Variants in UBA7 observed in about 807,000 individuals in gnomAD.
The protein encoded by UBA7 is ubiquitin-like modifier-activating enzyme 7.
In UBA7, 88 loss-of-function variants were observed where a neutral mutation model predicts 113.0. The ratio of observed to expected loss-of-function variants is 0.78; its 90% confidence interval spans 0.66 to 0.93. The LOEUF (loss-of-function observed/expected upper bound fraction) is 0.93, where lower values mean the gene tolerates loss of function less well. Among genes scored for constraint, UBA7 ranks in the 40% least tolerant of loss-of-function variants. The pLI is 0.00. For missense variants in UBA7, 1,092 were observed against 1,266.4 expected, an observed-to-expected ratio of 0.86 and a Z score of 2.09; for synonymous variants, 459 against 513.0, an observed-to-expected ratio of 0.89 and a Z score of 1.42.
chr3:49,810,999 A>G lies in UBA7; in HGVS notation c.1215T>C (p.Pro405=). 6.2e-7 allele frequency: 1 copy of G among 1,614,144 alleles called. No homozygotes were observed. The highest frequency in any genetic ancestry group is 1.7e-5 in the Admixed American group (1 of 60,026). Residue 405 remains proline, a synonymous_variant, in exon 10 of 24, where the codon CCT becomes CCC. Coordinates refer to ENST00000333486, the MANE Select transcript of UBA7 (RefSeq NM_003335.3). The surrounding 1 kb of genome is among the most constrained non-coding windows in gnomAD (Gnocchi z 5.6). ...LPEDGELLPS[P]EDCALRGSRY... ...AGGCTCTCACCAGGGCACAGTCCTCAGGACTGGGAAGGAGCTCCCCATCTT... is the reference window on the plus strand; with the variant it reads ...AGGCTCTCACCAGGGCACAGTCCTCGGGACTGGGAAGGAGCTCCCCATCTT...
At chr3:49,809,191 ATG>A (rs1397319549) in intron 17 of UBA7, 32 bp from the exon 18 acceptor site, 7 of 1,589,194 alleles carry the variant, frequency 4.4e-6, no homozygotes, top group Non-Finnish European at 6.0e-6. Context: ...GAACAGAGGC[ATG>A]GGTGCATGGG....
intron 23 of UBA7, among the ~76,000 whole-genome samples, 172 bp from the exon 24 acceptor site, chr3:49,805,609 G>A (rs2081435087): frequency 6.6e-6 from 1 of 152,144 alleles, no homozygotes; most frequent in Non-Finnish European, 1.5e-5. Flanking sequence ...GATGAGGCAA[G>A]CAGGAGGCAG....
intron 21 of UBA7, 194 bp from the exon 22 acceptor site, chr3:49,806,359 A>T: frequency 3.3e-6 from 2 of 607,810 alleles, no homozygotes; most frequent in Non-Finnish European, 5.8e-6. Flanking sequence ...CAGCACAGGA[A>T]ATGGGGCTAT....
intron 8 of UBA7, 99 bp downstream of exon 8, chr3:49,811,771 G>A (rs1488691742): frequency 7.1e-6 from 11 of 1,559,234 alleles, no homozygotes; most frequent in Admixed American, 7.0e-5. Flanking sequence ...GCAGTGTTGG[G>A]AGATCAGACT....
Position 49,809,854 on chromosome 3 carries a change from A to G in UBA7, c.1865T>C (p.Leu622Pro). 6.2e-7 allele frequency: 1 copy of G among 1,614,136 alleles called. No homozygotes were observed. The highest frequency in any genetic ancestry group is 1.1e-5 in the South Asian group (1 of 91,078). ...GATGGTCTCTGCAGACAGTCGGAAG[A>G]GTTCTTCAAACTCATGCCGGGCCCA... ...LQWARHEFEE[L>P]FRLSAETINH... The change falls in exon 15 of 24, where the codon CTC becomes CCC. Residue 622 changes from leucine (L) to proline (P), a missense_variant. Physicochemically the swap from Leu to Pro is moderately conservative, Grantham distance 98. Around this residue, in one of 3 missense-constraint regions of UBA7, gnomAD observed 500 missense variants for 529.3 expected, o/e 0.94. Coordinates refer to ENST00000333486, the MANE Select transcript of UBA7 (RefSeq NM_003335.3).
rs749109703 is a variant in UBA7 at position 49,811,032 on chromosome 3, A to G, written c.1182T>C (p.Cys394=). 1 of 1,614,104 alleles carries G rather than the reference A, an allele frequency of 6.2e-7. No homozygotes were observed. The highest frequency in any genetic ancestry group is 2.2e-5 in the East Asian group (1 of 44,878). Residue 394 remains cysteine, a synonymous_variant, in exon 10 of 24, where the codon TGT becomes TGC. Coordinates refer to ENST00000333486, the MANE Select transcript of UBA7 (RefSeq NM_003335.3). ...DQWLYFDALD[C]LPEDGELLPS... is the part of the protein sequence containing the mutation. ...GAAGGAGCTCCCCATCTTCCGGAAGACAATCGAGGGCATCAAAGTAAAGCC... is the reference window on the plus strand; with the variant it reads ...GAAGGAGCTCCCCATCTTCCGGAAGGCAATCGAGGGCATCAAAGTAAAGCC...
chr3:49,807,597 A>G lies in UBA7; in HGVS notation c.2715+139T>C. The G allele has an allele frequency of 4.5e-6, 5 of 1,114,340 alleles. No individual in the cohort carries two copies. In the South Asian group the frequency reaches 7.1e-5, roughly 16 times the overall value. The allele number at this position is 1,114,340 out of a possible 1,614,324, so 69.0% of individuals were successfully genotyped here. A position where few individuals can be genotyped will look rare whatever the true frequency, so the allele number is the denominator to read the frequency against. ...GTCCCAGCCTGGCTTCATAGCAGGA[A>G]GAGGGCTGGAGGGAGTCTTCAGGAC... On this transcript the variant is annotated intron_variant, in intron 21 of 23. Transcript: ENST00000333486. The surrounding 1 kb of genome is among the most constrained non-coding windows in gnomAD (Gnocchi z 4.0).
At chr3:49,812,937 A>C in intron 4 of UBA7, 125 bp downstream of exon 4, 3 of 1,253,244 alleles carry the variant, frequency 2.4e-6, no homozygotes, top group Non-Finnish European at 2.2e-6. Flanking sequence ...GACCAGAATC[A>C]GAAAGGCATG....
At chr3:49,808,714 A>G (rs2081494872) in intron 18 of UBA7, among the ~76,000 whole-genome samples, 1 of 152,150 alleles carries the variant, frequency 6.6e-6, no homozygotes, top group East Asian at 1.9e-4. Flanking sequence ...CCAGGAACCA[A>G]TGGACTTTAT....
At chr3:49,808,590 G>C (rs1482936264) in intron 18 of UBA7, 122 bp from the exon 19 acceptor site, 7 of 1,054,010 alleles carry the variant, frequency 6.6e-6, no homozygotes, top group Non-Finnish European at 8.3e-6. Context: ...ATCAAATCAA[G>C]AAGCCCCCTT....
rs2081529569 is a variant in UBA7 at position 49,810,628 on chromosome 3, G to A, written c.1356C>T (p.Ala452=). The A allele has an allele frequency of 2.5e-6, 4 of 1,613,996 alleles. No individual in the cohort carries two copies. Among genetic ancestry groups the A allele is most frequent in the Admixed American group, 3.3e-5 (2 of 59,992 alleles). Residue 452 remains alanine (A), a synonymous_variant, in exon 12 of 24, where the codon GCC becomes GCT. Transcript: ENST00000333486. This position sits in a 1 kb window ranked among gnomAD's most constrained non-coding sequence, Gnocchi z 5.6. The part of the protein sequence containing the change: ...AIGCELLKVF[A]LVGLGAGNSG... ...TGTTCCCGGCCCCCAGTCCCACTAG[G>A]GCAAAGACTTTGAGCAGCTCACAAC...
chr3:49,813,487 C>T lies in UBA7; in HGVS notation c.217G>A (p.Ala73Thr). 6.2e-7 allele frequency: 1 copy of T among 1,613,326 alleles called. No homozygotes were observed. Among genetic ancestry groups the T allele is most frequent in the Non-Finnish European group, 8.5e-7 (1 of 1,179,676 alleles). ...CCCCCCAGGACACTTACCTGGGCAG[C>T]CAGGTCGGACCAGCAGGTGGGGTGG... ...DPHPTCWSDL[A>T]AQFLLSEQDL... Residue 73 changes from alanine (A) to threonine (T), a missense_variant, in exon 2 of 24, where the codon GCT (alanine) becomes ACT (threonine). Physicochemically the swap from Ala to Thr is moderately conservative, Grantham distance 58 (BLOSUM62 0). Around this residue, in one of 3 missense-constraint regions of UBA7, gnomAD observed 584 missense variants for 714.5 expected, o/e 0.82. Coordinates refer to ENST00000333486, the MANE Select transcript of UBA7 (RefSeq NM_003335.3).
Position 49,805,441 on chromosome 3 carries a change from GTA to G in UBA7, c.2910-6_2910-5del. ...CTGCTGAACCAGTTCTGTCACCCTGGTAGGGGTGGGTTTAGGGGAGATTGGAG... is the reference window on the plus strand; with the variant it reads ...CTGCTGAACCAGTTCTGTCACCCTGGGGGGTGGGTTTAGGGGAGATTGGAG... On this transcript the variant is annotated splice_region_variant and splice_polypyrimidine_tract_variant and intron_variant, in intron 23 of 23. Coordinates refer to ENST00000333486, the MANE Select transcript of UBA7 (RefSeq NM_003335.3). 1 of 1,575,502 alleles carries G rather than the reference GTA, an allele frequency of 6.3e-7. No homozygotes were observed. The highest frequency in any genetic ancestry group is 8.6e-7 in the Non-Finnish European group (1 of 1,162,434).
rs1355096823 is a variant in UBA7 at position 49,809,458 on chromosome 3, C to T, written c.2095G>A (p.Glu699Lys). ...LRHFPPNKVL[E>K]DGTPFWSGPK... ...CCTGACCAGAAGGGAGTTCCATCCT[C>T]AAGCACCTAGGTAGGTAAGTAGAAG... The change falls in exon 17 of 24, where the codon GAG (glutamate) becomes AAG (lysine). Residue 699 changes from glutamate to lysine, a missense_variant. Transcript: ENST00000333486. 1 of 1,614,170 alleles carries T rather than the reference C, an allele frequency of 6.2e-7. No individual in the cohort carries two copies. Among genetic ancestry groups the T allele is most frequent in the Non-Finnish European group, 8.5e-7 (1 of 1,180,012 alleles).
chr3:49,806,345 G>T, intron 21 of UBA7, 180 bp from the exon 22 acceptor site: 1 of 619,640 alleles, frequency 1.6e-6, no homozygotes, highest in Non-Finnish European at 2.8e-6. Flanking sequence ...GTCCAGGCCG[G>T]GGCCAGCACA....
chr3:49,811,123 G>T (rs764038482), intron 9 of UBA7, 32 bp from the exon 10 acceptor site: 1 of 1,610,488 alleles, frequency 6.2e-7, no homozygotes, highest in East Asian at 2.2e-5. Context: ...GGGCACTCCT[G>T]CCACCTCCTG....
At chr3:49,805,550 C>A (rs895820616) in intron 23 of UBA7, 113 bp from the exon 24 acceptor site, 3 of 984,070 alleles carry the variant, frequency 3.0e-6, no homozygotes, top group African/African-American at 1.6e-5. Flanking sequence ...AAGCCAGGAG[C>A]AGGAGCTGCT....
intron 23 of UBA7, 71 bp downstream of exon 23, chr3:49,805,826 A>G: frequency 7.1e-7 from 1 of 1,411,542 alleles, no homozygotes; most frequent in East Asian, 2.5e-5. Context: ...GGGAAGACAA[A>G]AGGCAGTGTG....
rs1316856434 is a variant in UBA7 at position 49,806,083 on chromosome 3, G to A, written c.2798C>T (p.Ala933Val). 1.3e-6 allele frequency: 2 copies of A among 1,592,724 alleles called. No homozygotes were observed. Among genetic ancestry groups the A allele is most frequent in the Non-Finnish European group, 1.7e-6 (2 of 1,169,970 alleles). The change falls in exon 22 of 24, where the codon GCT becomes GTT. Residue 933 changes from alanine to valine, a missense_variant. Physicochemically the swap from Ala to Val is moderately conservative, Grantham distance 64. Around this residue, in one of 3 missense-constraint regions of UBA7, gnomAD observed 500 missense variants for 529.3 expected, o/e 0.94. Coordinates refer to ENST00000333486, the MANE Select transcript of UBA7 (RefSeq NM_003335.3). Reference protein sequence around the residue: ...QPERTLESLLAHLQEQHGLRV... With the variant: ...QPERTLESLLVHLQEQHGLRV... ...AGCAACAGGGCACACCTGAAGATGA[G>A]CCAGCAGCGACTCCAGGGTCCTCTC...
Sources: gnomAD v4.1 joint callset for allele counts (sites outside exome capture counted in the v4.1 genomes callset) on GRCh38, gnomAD v4.1.1 for gene constraint, gnomAD v4.1.1 regional missense constraint, Gnocchi (gnomAD v3.1) non-coding constraint, MANE v1.5 for transcripts, NCBI Gene and HGNC (gene_info 2026-07-23, HGNC 2026-07-21) for gene names.